Variants in PPP2R2C observed in about 807,000 individuals in gnomAD.
PPP2R2C encodes protein phosphatase 2 regulatory subunit Bgamma.
Under a neutral mutation model 45.3 loss-of-function variants are expected in PPP2R2C, and 10 were observed. The observed-to-expected ratio is 0.22, with a 90% confidence interval of 0.14 to 0.37. PPP2R2C has a LOEUF of 0.37. PPP2R2C is among the 10% of genes least tolerant of loss of function. The probability of loss-of-function intolerance (pLI) is 1.00; values close to 1 mark genes in which losing one functional copy is unlikely to be tolerated. For synonymous variants in PPP2R2C, 257 were observed against 245.4 expected, an observed-to-expected ratio of 1.05 and a Z score of -0.44; for missense variants, 308 against 619.7, an observed-to-expected ratio of 0.50 and a Z score of 5.34.
intron 5 of PPP2R2C, among the ~76,000 whole-genome samples, chr4:6,371,459 T>C (rs1321017589): frequency 6.6e-6 from 1 of 152,210 alleles, no homozygotes. Context: ...TCCTGACCAC[T>C]GCTGGGTGCC....
chr4:6,381,778 T>C (rs1485736174), intron 1 of PPP2R2C: 2 of 1,613,076 alleles, frequency 1.2e-6, no homozygotes, highest in Non-Finnish European at 1.7e-6. Flanking sequence ...CCCCCATACC[T>C]GGAGTCTTCA....
At chr4:6,514,361 TCCC>T (rs1011832467) in intron 2 of PPP2R2C, among the ~76,000 whole-genome samples, 7 of 152,336 alleles carry the variant, frequency 4.6e-5, no homozygotes, top group African/African-American at 1.7e-4. Flanking sequence ...TGTACATCTA[TCCC>T]CCTTTAACCC....
intron 6 of PPP2R2C, among the ~76,000 whole-genome samples, chr4:6,339,496 G>A (rs772126964): frequency 1.4e-4 from 21 of 152,268 alleles, no homozygotes; most frequent in Non-Finnish European, 2.1e-4. Context: ...CTGTGTGCCC[G>A]TGGCACTTGC....
intron 2 of PPP2R2C, among the ~76,000 whole-genome samples, chr4:6,490,493 T>C (rs778090264): frequency 1.3e-5 from 2 of 152,214 alleles, no homozygotes; most frequent in Admixed American, 6.5e-5. Context: ...CAGGACATAC[T>C]GGAGCAGAAA....
intron 1 of PPP2R2C, among the ~76,000 whole-genome samples, chr4:6,453,359 G>A (rs1037841584): frequency 1.3e-5 from 2 of 152,118 alleles, no homozygotes; most frequent in Non-Finnish European, 1.5e-5. Flanking sequence ...AGGAAGGAGC[G>A]GCGTCAGGAC....
intron 1 of PPP2R2C, among the ~76,000 whole-genome samples, chr4:6,408,094 C>A (rs575977645): frequency 6.6e-6 from 1 of 152,198 alleles, no homozygotes; most frequent in Non-Finnish European, 1.5e-5. Flanking sequence ...TTTAAAACTA[C>A]ACGTACAGCT....
chr4:6,416,922 T>C (rs890632431), intron 1 of PPP2R2C, among the ~76,000 whole-genome samples: 3 of 151,698 alleles, frequency 2.0e-5, no homozygotes, highest in Non-Finnish European at 4.4e-5. Flanking sequence ...GGGAGGGAGA[T>C]GGGAAAGAGT....
intron 2 of PPP2R2C, among the ~76,000 whole-genome samples, chr4:6,492,430 C>T (rs1722725518): frequency 6.6e-6 from 1 of 152,160 alleles, no homozygotes; most frequent in Non-Finnish European, 1.5e-5. Context: ...ATAAGAGCCT[C>T]CCCCCGAGTG....
At chr4:6,456,558 G>A (rs529227780) in intron 1 of PPP2R2C, among the ~76,000 whole-genome samples, 28 of 152,162 alleles carry the variant, frequency 1.8e-4, no homozygotes, top group African/African-American at 5.3e-4. Flanking sequence ...ATTGAAAGTC[G>A]GCGTAGGAAC....
At chr4:6,377,298 C>A (rs987971826) in intron 3 of PPP2R2C, among the ~76,000 whole-genome samples, 1 of 152,106 alleles carries the variant, frequency 6.6e-6, no homozygotes, top group African/African-American at 2.4e-5. Flanking sequence ...GGAGATGTGT[C>A]CACCCTGCTG....
At chr4:6,559,828 C>A (rs556493187) in intron 1 of PPP2R2C, among the ~76,000 whole-genome samples, 1 of 152,322 alleles carries the variant, frequency 6.6e-6, no homozygotes, top group East Asian at 1.9e-4. Flanking sequence ...GCCTCCAGAA[C>A]GGTGAGAAAT....
rs535930738 is a variant in PPP2R2C, at chr4:6,493,504, G to A, written c.49+41767C>T. Among the ~76,000 whole-genome samples the A allele has an allele frequency of 2.0e-5, 3 of 151,596 alleles. No individual in the cohort carries two copies. In the East Asian group the frequency reaches 5.8e-4, roughly 29 times the overall value. ...TGGGAGTTGTGTGCAACATAAAAAT[G>A]GCACAATGCATCCTGCCCATCAAGA... On this transcript the variant is annotated intron_variant, in intron 2 of 9. Coordinates refer to the PPP2R2C transcript ENST00000506140.
intron 4 of PPP2R2C, among the ~76,000 whole-genome samples, chr4:6,374,890 C>T (rs530146084): frequency 7.2e-5 from 11 of 152,254 alleles, no homozygotes; most frequent in Admixed American, 6.5e-4. Flanking sequence ...TGGGTGAAAT[C>T]GGAAGCAAAC....
chr4:6,372,325 T>C (rs944539563), intron 5 of PPP2R2C, among the ~76,000 whole-genome samples, 198 bp downstream of exon 5: 2 of 152,180 alleles, frequency 1.3e-5, no homozygotes, highest in Non-Finnish European at 1.5e-5. Context: ...ACCACGACTT[T>C]GCGGTTTTCA....
At chr4:6,381,970 G>A (rs539682478) in intron 1 of PPP2R2C, 3 of 1,454,786 alleles carry the variant, frequency 2.1e-6, no homozygotes, top group African/African-American at 2.9e-5. Context: ...CCCTGGGAGT[G>A]GGGGAGAGCA....
intron 1 of PPP2R2C, among the ~76,000 whole-genome samples, chr4:6,446,744 C>T (rs567591380): frequency 1.3e-5 from 2 of 152,208 alleles, no homozygotes; most frequent in South Asian, 4.2e-4. Context: ...CCCACTGTCT[C>T]CCTGCTTGAT....
At chr4:6,341,762 G>A (rs933629417) in intron 6 of PPP2R2C, among the ~76,000 whole-genome samples, 1 of 152,122 alleles carries the variant, frequency 6.6e-6, no homozygotes, top group African/African-American at 2.4e-5. Context: ...AGCAGAGGTT[G>A]GAATGATGAG....
At chr4:6,397,477 C>G (rs1405990965) in intron 1 of PPP2R2C, among the ~76,000 whole-genome samples, 2 of 114,682 alleles carry the variant, frequency 1.7e-5, no homozygotes. Context: ...CCCTGGGGGT[C>G]CCTCACTGAC....
intron 1 of PPP2R2C, among the ~76,000 whole-genome samples, chr4:6,541,926 C>T (rs1025049832): frequency 1.3e-5 from 2 of 152,236 alleles, no homozygotes; most frequent in Non-Finnish European, 2.9e-5. Flanking sequence ...CTGATTCCCT[C>T]GCTGCATAGG....
Sources: gnomAD v4.1 joint callset for allele counts (sites outside exome capture counted in the v4.1 genomes callset) on GRCh38, gnomAD v4.1.1 for gene constraint, MANE v1.5 for transcripts, NCBI Gene and HGNC (gene_info 2026-07-23, HGNC 2026-07-21) for gene names.